FRMD4A: variants seen among roughly 807,000 people sequenced by gnomAD.
FRMD4A encodes the protein FERM domain containing 4A.
Under a neutral mutation model 129.1 loss-of-function variants are expected in FRMD4A, and 29 were observed. The ratio of observed to expected loss-of-function variants is 0.22; its 90% confidence interval spans 0.17 to 0.31. The LOEUF is 0.31. FRMD4A is among the 10% of genes least tolerant of loss of function. The pLI is 1.00. For synonymous variants in FRMD4A, 634 were observed against 571.6 expected (o/e 1.11, Z -1.56); for missense variants, 1,272 against 1,375.8 (o/e 0.92, Z 1.19).
intron 2 of FRMD4A, among the ~76,000 whole-genome samples, chr10:13,981,888 T>G (rs2095562820): frequency 6.6e-6 from 1 of 151,756 alleles, no homozygotes; most frequent in East Asian, 1.9e-4. Context: ...TAGAAGCAGG[T>G]AGGTGTGCAG....
intron 6 of FRMD4A, among the ~76,000 whole-genome samples, chr10:13,764,404 C>G (rs1361557531): frequency 1.3e-5 from 2 of 151,950 alleles, no homozygotes; most frequent in Non-Finnish European, 2.9e-5. Flanking sequence ...ACTTGGGAGG[C>G]TGAGGTGGGA....
chr10:14,211,919 T>A (rs745399030), intron 2 of FRMD4A, among the ~76,000 whole-genome samples: 3 of 152,212 alleles, frequency 2.0e-5, no homozygotes, highest in Non-Finnish European at 4.4e-5. Context: ...CTCTCAGTGA[T>A]GCCTCAGCAC....
chr10:13,951,804 C>G (rs2095372354), intron 2 of FRMD4A, among the ~76,000 whole-genome samples: 2 of 151,484 alleles, frequency 1.3e-5, no homozygotes, highest in Non-Finnish European at 2.9e-5. Flanking sequence ...GCAGGAGAAT[C>G]CCTTGAACCC....
chr10:13,740,516 C>G lies in FRMD4A; in HGVS notation c.610G>C (p.Val204Leu). Reference protein sequence around the residue: ...LNGQTRGQAIVNYMSIVESLP... With the variant: ...LNGQTRGQAILNYMSIVESLP... ...AGCTGGGAAGGGGCCACTTACTTTACGATTGCTTGACCTCTTGTCTGACCG... is the reference window on the plus strand; with the variant it reads ...AGCTGGGAAGGGGCCACTTACTTTAGGATTGCTTGACCTCTTGTCTGACCG... Residue 204 changes from valine to leucine, a missense_variant, in exon 10 of 25, where the codon GTA (valine) becomes CTA (leucine). By Grantham distance (32) the Val-to-Leu change is conservative (BLOSUM62 1). Coordinates refer to ENST00000357447, the MANE Select transcript of FRMD4A (RefSeq NM_018027.5). 6.4e-7 allele frequency: 1 copy of G among 1,568,716 alleles called. No homozygotes were observed. Among genetic ancestry groups the G allele is most frequent in the Non-Finnish European group, 8.8e-7 (1 of 1,140,600 alleles).
Position 13,657,358 on chromosome 10 carries a change from A to G in FRMD4A, c.2231T>C (p.Met744Thr), listed in dbSNP as rs528013078. The G allele has an allele frequency of 1.2e-6, 2 of 1,611,112 alleles. No homozygotes were observed. Among genetic ancestry groups the G allele is most frequent in the African/African-American group, 1.3e-5 (1 of 75,030 alleles). ...GCTGGTGCACGACGAGCAGTCGTCC[A>G]TGGGGTCTGAGCCGTTGCTGCTACG... is the stretch of plus-strand genomic sequence containing the variant. Reference protein sequence around the residue: ...RTRSSNGSDPMDDCSSCTSHS... With the variant: ...RTRSSNGSDPTDDCSSCTSHS... The change falls in exon 22 of 25, where the codon ATG becomes ACG. Residue 744 changes from methionine to threonine, a missense_variant. By Grantham distance (81) the Met-to-Thr change is moderately conservative. Around this residue, in one of 2 missense-constraint regions of FRMD4A, gnomAD observed 972 missense variants for 892.3 expected, o/e 1.09. Transcript: ENST00000357447.
At chr10:13,688,595 T>C (rs1226702018) in intron 15 of FRMD4A, among the ~76,000 whole-genome samples, 1 of 151,994 alleles carries the variant, frequency 6.6e-6, no homozygotes, top group Non-Finnish European at 1.5e-5. Context: ...TGGTGACGGA[T>C]CTTGGGTTTA....
At chr10:14,169,917 C>G (rs566120108) in intron 2 of FRMD4A, among the ~76,000 whole-genome samples, 4 of 152,210 alleles carry the variant, frequency 2.6e-5, no homozygotes, top group Admixed American at 6.5e-5. Flanking sequence ...ATTCCTTAAC[C>G]CTTAGTGATT....
chr10:14,120,593 A>G lies in FRMD4A; in HGVS notation c.45+209465T>C, dbSNP rs143086691. Among the ~76,000 whole-genome samples, 197 of 152,340 alleles carry G rather than the reference A, an allele frequency of 1.3e-3. 1 individual carries two copies. The highest frequency in any genetic ancestry group is 4.2e-3 in the African/African-American group (173 of 41,584). ...GTGAGCTAAACGTTTCCAGAGAACTATGGTAGAGACTGGTGGCTGTTCCCC... is the reference window on the plus strand; with the variant it reads ...GTGAGCTAAACGTTTCCAGAGAACTGTGGTAGAGACTGGTGGCTGTTCCCC... On this transcript the variant is annotated intron_variant, in intron 2 of 24. Coordinates refer to ENST00000357447, the MANE Select transcript of FRMD4A (RefSeq NM_018027.5).
chr10:13,954,443 T>G (rs1474651687), intron 2 of FRMD4A, among the ~76,000 whole-genome samples: 1 of 152,118 alleles, frequency 6.6e-6, no homozygotes, highest in Non-Finnish European at 1.5e-5. Flanking sequence ...TCCACTATCA[T>G]GAGAACAGCA....
At chr10:13,673,303 C>T (rs947762933) in intron 16 of FRMD4A, among the ~76,000 whole-genome samples, 1 of 152,178 alleles carries the variant, frequency 6.6e-6, no homozygotes, top group African/African-American at 2.4e-5. Context: ...TGAGCTGGCT[C>T]CGGTTTAAAT....
intron 19 of FRMD4A, among the ~76,000 whole-genome samples, chr10:13,662,205 G>T (rs909092212): frequency 3.9e-5 from 6 of 152,168 alleles, no homozygotes; most frequent in Non-Finnish European, 7.3e-5. Flanking sequence ...TGATGCTCAA[G>T]CCCCCCATTT....
In FRMD4A at chr10:14,107,815, G is replaced by A. The variant is rs185203960; in HGVS notation, c.45+222243C>T. The stretch of plus-strand genomic sequence containing the variant: ...AGAGTTATGCGATATTCTTTCATGC[G>A]GCTGGACCACAACTTATTTACTCAG... On this transcript the variant is annotated intron_variant, in intron 2 of 24. Transcript: ENST00000357447. Among the ~76,000 whole-genome samples the A allele has an allele frequency of 1.5e-4, 23 of 152,136 alleles. No individual in the cohort carries two copies. The East Asian group carries it at 2.7e-3, about 18-fold the overall frequency.
chr10:13,671,441 G>A (rs2083501871), intron 16 of FRMD4A, among the ~76,000 whole-genome samples: 1 of 152,098 alleles, frequency 6.6e-6, no homozygotes. Flanking sequence ...GTGACAGATC[G>A]AGACTCTGTT....
At chr10:13,941,215 T>A (rs1273029415) in intron 2 of FRMD4A, among the ~76,000 whole-genome samples, 1 of 152,198 alleles carries the variant, frequency 6.6e-6, no homozygotes, top group Admixed American at 6.5e-5. Context: ...TCCTCCATAC[T>A]GTTCTCATGG....
intron 2 of FRMD4A, among the ~76,000 whole-genome samples, chr10:14,142,092 C>T (rs908905871): frequency 4.0e-5 from 6 of 151,134 alleles, no homozygotes; most frequent in Admixed American, 1.3e-4. Context: ...AAGATGGAGA[C>T]ATTATAAGAA....
At chr10:14,240,819 C>G (rs1169292017) in intron 2 of FRMD4A, among the ~76,000 whole-genome samples, 1 of 151,660 alleles carries the variant, frequency 6.6e-6, no homozygotes, top group African/African-American at 2.4e-5. Flanking sequence ...GGTTTCCAAA[C>G]TATGGTGTGT....
chr10:13,907,860 T>TA (rs2094898238), intron 2 of FRMD4A, among the ~76,000 whole-genome samples: 2 of 6,112 alleles, frequency 3.3e-4, no homozygotes, highest in Admixed American at 4.5e-3. Context: ...TTAAAGTCAC[T>TA]TAAAAAAAAA....
At chr10:13,711,076 T>C (rs1455366528) in intron 12 of FRMD4A, among the ~76,000 whole-genome samples, 1 of 152,098 alleles carries the variant, frequency 6.6e-6, no homozygotes, top group Non-Finnish European at 1.5e-5. Flanking sequence ...GTCAGAACAG[T>C]AGCCTGATCT....
chr10:14,094,461 A>C (rs776404111), intron 2 of FRMD4A, among the ~76,000 whole-genome samples: 1 of 152,190 alleles, frequency 6.6e-6, no homozygotes, highest in Non-Finnish European at 1.5e-5. Context: ...GGTGTGGGCC[A>C]GTCTCCTCTC....
Sources: gnomAD v4.1 joint callset for allele counts (sites outside exome capture counted in the v4.1 genomes callset) on GRCh38, gnomAD v4.1.1 for gene constraint, gnomAD v4.1.1 regional missense constraint, MANE v1.5 for transcripts, NCBI Gene and HGNC (gene_info 2026-07-23, HGNC 2026-07-21) for gene names.